The following RNF43 variants were observed in gnomAD, a reference collection of about 807,000 sequenced individuals.
The protein encoded by RNF43 is ring finger protein 43.
Under a neutral mutation model 78.4 loss-of-function variants are expected in RNF43, and 37 were observed. That is an observed-to-expected ratio of 0.47 (90% CI 0.36 to 0.62). The LOEUF is 0.62. Among genes scored for constraint, RNF43 ranks in the 20% least tolerant of loss-of-function variants. The pLI is 0.00. For synonymous variants in RNF43, 347 were observed against 395.0 expected (o/e 0.88, Z 1.44); for missense variants, 774 against 1,007.9 (o/e 0.77, Z 3.14).
intron 2 of RNF43, among the ~76,000 whole-genome samples, chr17:58,405,080 T>A (rs1031583633): frequency 7.3e-5 from 10 of 136,492 alleles, no homozygotes; most frequent in Admixed American, 6.4e-4. Flanking sequence ...TTTTTTTTTT[T>A]TTTTTTTTTT....
Position 58,357,189 on chromosome 17 carries a change from C to G in RNF43, c.2308+279G>C. Reference sequence around the variant, plus strand: ...GATTACAGGCATGAGCCATCACACCCGGCCTTCCAAGTGCCTTTCTGATGC... The same window carrying G: ...GATTACAGGCATGAGCCATCACACCGGGCCTTCCAAGTGCCTTTCTGATGC... On this transcript the variant is annotated intron_variant, in intron 9 of 9. Transcript: ENST00000407977. This position sits in a 1 kb window ranked among gnomAD's most constrained non-coding sequence, Gnocchi z 4.5. The G allele has an allele frequency of 1.4e-6, 1 of 702,544 alleles. No individual in the cohort carries two copies. The highest frequency in any genetic ancestry group is 2.6e-6 in the Non-Finnish European group (1 of 385,576). The allele number at this position is 702,544 out of a possible 1,614,324, so 43.5% of individuals were successfully genotyped here. A position where few individuals can be genotyped will look rare whatever the true frequency, so the allele number is the denominator to read the frequency against.
chr17:58,385,373 C>T (rs1271448842), intron 2 of RNF43, among the ~76,000 whole-genome samples: 1 of 152,218 alleles, frequency 6.6e-6, no homozygotes, highest in Non-Finnish European at 1.5e-5. Context: ...TCTCCCTGCA[C>T]TCCACCCTAA....
At chr17:58,405,068 C>CTTTTTT (rs35147601) in intron 2 of RNF43, among the ~76,000 whole-genome samples, 4 of 79,604 alleles carry the variant, frequency 5.0e-5, no homozygotes, top group African/African-American at 1.5e-4. Flanking sequence ...TGTAGTACTT[C>CTTTTTT]TTTTTTTTTT....
intron 2 of RNF43, among the ~76,000 whole-genome samples, chr17:58,394,483 A>G (rs1258773424): frequency 6.6e-6 from 1 of 152,264 alleles, no homozygotes; most frequent in Non-Finnish European, 1.5e-5. Flanking sequence ...GAAACAGAAG[A>G]AATCAAGTAA....
Position 58,360,139 on chromosome 17 carries a change from C to T in RNF43, c.952+10G>A, listed in dbSNP as rs778511221. ...CCTACACAGAGGGGAGTCCTTGGCC[C>T]ACCTCCTACCTGTGATGTTGAACAT... On this transcript the variant is annotated intron_variant, in intron 8 of 9. Coordinates refer to ENST00000407977, the MANE Select transcript of RNF43 (RefSeq NM_017763.6). The surrounding 1 kb of genome is among the most constrained non-coding windows in gnomAD (Gnocchi z 4.3). 6.8e-6 allele frequency: 11 copies of T among 1,608,670 alleles called. No individual in the cohort carries two copies. The highest frequency in any genetic ancestry group is 4.5e-5 in the East Asian group (2 of 44,848).
rs779337229 is a variant in RNF43, at chr17:58,363,352, C to T, written c.505G>A (p.Ala169Thr). The change falls in exon 5 of 10, where the codon GCT (alanine) becomes ACT (threonine). Residue 169 changes from alanine (A) to threonine (T), a missense_variant. By Grantham distance (58) the Ala-to-Thr change is moderately conservative. Transcript: ENST00000407977. ...WPVVLIWGNDAEKLMEFVYKN... is the reference protein window; with the variant it reads ...WPVVLIWGNDTEKLMEFVYKN... Reference sequence around the variant, plus strand: ...TACACAAACTCCATCAGCTTCTCAGCGTCATTACCCCAGATCAACACCACT... The same window carrying T: ...TACACAAACTCCATCAGCTTCTCAGTGTCATTACCCCAGATCAACACCACT... 2 of 1,614,038 alleles carry T rather than the reference C, an allele frequency of 1.2e-6. No individual in the cohort carries two copies. Among genetic ancestry groups the T allele is most frequent in the African/African-American group, 1.3e-5 (1 of 74,894 alleles).
At chr17:58,401,762 C>T (rs1973804401) in intron 2 of RNF43, among the ~76,000 whole-genome samples, 1 of 151,658 alleles carries the variant, frequency 6.6e-6, no homozygotes, top group South Asian at 2.1e-4. Flanking sequence ...ATTCCCTATT[C>T]CCCTGTATAA....
chr17:58,398,820 T>C (rs1311561766), intron 2 of RNF43, among the ~76,000 whole-genome samples: 5 of 152,256 alleles, frequency 3.3e-5, no homozygotes, highest in Admixed American at 6.5e-5. Flanking sequence ...TTTTTAATGA[T>C]AATAACAGTG....
At chr17:58,386,740 C>T (rs1192443159) in intron 2 of RNF43, among the ~76,000 whole-genome samples, 1 of 152,156 alleles carries the variant, frequency 6.6e-6, no homozygotes, top group African/African-American at 2.4e-5. Flanking sequence ...CATGAAGAAT[C>T]TCTTCTTCTT....
At chr17:58,384,437 C>T (rs1973389232) in intron 2 of RNF43, among the ~76,000 whole-genome samples, 1 of 152,180 alleles carries the variant, frequency 6.6e-6, no homozygotes, top group Non-Finnish European at 1.5e-5. Context: ...AGCAACACTA[C>T]CCTTTGTCCT....
At chr17:58,405,758 G>GAAAGAAAGAAAGAAAGAA (rs1973898623) in intron 2 of RNF43, among the ~76,000 whole-genome samples, 2 of 147,172 alleles carry the variant, frequency 1.4e-5, no homozygotes, top group African/African-American at 5.1e-5. Context: ...AAGAAAGAAA[G>GAAAGAAAGAAAGAAAGAA]AAAGAAAAAG....
At position 58,362,533 on chromosome 17, in the gene RNF43, A is replaced by C. The variant is rs1298594086; in HGVS notation, c.687+11T>G. ...CACGTTCACCGCCGCCAAAGACCCC[A>C]CACTGCTCACCGGCCTGCTGTGGCG... On this transcript the variant is annotated intron_variant, in intron 6 of 9. Transcript: ENST00000407977. 4.4e-6 allele frequency: 7 copies of C among 1,602,202 alleles called. No individual in the cohort carries two copies. Among genetic ancestry groups the C allele is most frequent in the Non-Finnish European group, 6.0e-6 (7 of 1,173,674 alleles).
At chr17:58,413,117 G>T (rs1395354000) in intron 2 of RNF43, among the ~76,000 whole-genome samples, 1 of 152,104 alleles carries the variant, frequency 6.6e-6, no homozygotes, top group Non-Finnish European at 1.5e-5. Flanking sequence ...TGGAAGGCTT[G>T]GCTAACCACA....
chr17:58,372,569 G>T (rs575345780), intron 2 of RNF43, among the ~76,000 whole-genome samples: 1 of 152,312 alleles, frequency 6.6e-6, no homozygotes, highest in African/African-American at 2.4e-5. Flanking sequence ...AGCACGGAAG[G>T]CCCCCTTGGT....
At chr17:58,386,358 G>A (rs1973434254) in intron 2 of RNF43, among the ~76,000 whole-genome samples, 1 of 150,196 alleles carries the variant, frequency 6.7e-6, no homozygotes, top group Admixed American at 6.6e-5. Context: ...CCCAAGAAGT[G>A]GAGGGTTGCA....
At chr17:58,369,686 C>A (rs1023290441) in intron 3 of RNF43, among the ~76,000 whole-genome samples, 1 of 152,200 alleles carries the variant, frequency 6.6e-6, no homozygotes, top group African/African-American at 2.4e-5. Context: ...CAGCTCCACC[C>A]CTTCCTAATT....
intron 6 of RNF43, 92 bp from the exon 7 acceptor site, chr17:58,361,036 G>A (rs1972825680): frequency 1.5e-6 from 2 of 1,311,592 alleles, no homozygotes; most frequent in African/African-American, 1.5e-5. Context: ...AGTCACTCAG[G>A]TAGATCACAT....
chr17:58,412,314 C>T (rs1226844337), intron 2 of RNF43, among the ~76,000 whole-genome samples: 6 of 151,916 alleles, frequency 3.9e-5, no homozygotes, highest in African/African-American at 1.5e-4. Flanking sequence ...AAAATTTGGA[C>T]AGGACTAAAA....
At position 58,360,816 on chromosome 17, in the gene RNF43, A is replaced by G. The variant is rs530760134; in HGVS notation, c.816T>C (p.Cys272=). The change falls in exon 7 of 10, where the codon TGT becomes TGC. Residue 272 remains cysteine, a synonymous_variant. Transcript: ENST00000407977. This position sits in a 1 kb window ranked among gnomAD's most constrained non-coding sequence, Gnocchi z 4.3. ...SGSSCSSAPV[C]AICLEEFSEG... is the part of the protein sequence containing the mutation. ...CAGAGAACTCCTCCAGACAGATGGCACACACAGGGGCTGAGCTGCAGCTGC... is the reference window on the plus strand; with the variant it reads ...CAGAGAACTCCTCCAGACAGATGGCGCACACAGGGGCTGAGCTGCAGCTGC... The G allele has an allele frequency of 9.6e-5, 154 of 1,612,498 alleles. No individual in the cohort carries two copies. In the East Asian group the frequency reaches 2.3e-3, roughly 25 times the overall value.
Sources: allele counts gnomAD v4.1 joint callset (sites outside exome capture counted in the v4.1 genomes callset), GRCh38; gene constraint gnomAD v4.1.1; non-coding constraint Gnocchi (gnomAD v3.1); transcripts MANE v1.5; gene names NCBI Gene and HGNC (gene_info 2026-07-23, HGNC 2026-07-21).